The following CBLB variants were observed in gnomAD, a reference collection of about 807,000 sequenced individuals.
The protein encoded by CBLB is Cbl proto-oncogene B, also known as E3 ubiquitin-protein ligase CBL-B.
A neutral mutation model predicts 104.9 loss-of-function variants in CBLB; 31 were observed. That is an observed-to-expected ratio of 0.30 (90% CI 0.22 to 0.40). The LOEUF is 0.40. CBLB is among the 10% of genes least tolerant of loss of function. The pLI is 1.00. For synonymous variants in CBLB, 440 were observed against 422.6 expected, an observed-to-expected ratio of 1.04 and a Z score of -0.51; for missense variants, 1,062 against 1,214.6, an observed-to-expected ratio of 0.87 and a Z score of 1.87.
At chr3:105,855,685 G>A (rs2091515677) in intron 2 of CBLB, among the ~76,000 whole-genome samples, 2 of 152,162 alleles carry the variant, frequency 1.3e-5, no homozygotes, top group African/African-American at 4.8e-5. Flanking sequence ...GGAAGTATAT[G>A]CGGTAACGGA....
intron 3 of CBLB, among the ~76,000 whole-genome samples, chr3:105,844,395 A>T (rs2153102812): frequency 6.6e-6 from 1 of 152,348 alleles, no homozygotes; most frequent in South Asian, 2.1e-4. Context: ...TAATCACATG[A>T]TCAGATGTTC....
In CBLB at chr3:105,684,820, G is replaced by A. The variant is rs541549673; in HGVS notation, c.2201+500C>T. ...CCCGCCTCAGCCTCCCAAAGTGCTA[G>A]GATTACAGGCGTGAGCCACCACGCC... On this transcript the variant is annotated intron_variant, in intron 14 of 18. Coordinates refer to ENST00000394030, the MANE Select transcript of CBLB (RefSeq NM_170662.5). 4.6e-5 allele frequency among the ~76,000 whole-genome samples: 7 copies of A among 152,282 alleles called. No homozygotes were observed. In the East Asian group the frequency reaches 1.4e-3, roughly 29 times the overall value.
intron 4 of CBLB, among the ~76,000 whole-genome samples, chr3:105,766,472 T>C (rs909275532): frequency 6.6e-6 from 1 of 152,200 alleles, no homozygotes; most frequent in Admixed American, 6.5e-5. Context: ...CCAATTGATG[T>C]AGTAAACTTC....
intron 3 of CBLB, among the ~76,000 whole-genome samples, chr3:105,823,873 T>A (rs867164111): frequency 6.6e-6 from 1 of 152,166 alleles, no homozygotes; most frequent in African/African-American, 2.4e-5. Context: ...ATTCTTATAA[T>A]GTCTCCATCA....
chr3:105,762,636 A>T (rs1310493652), intron 4 of CBLB, among the ~76,000 whole-genome samples: 1 of 152,222 alleles, frequency 6.6e-6, no homozygotes, highest in Non-Finnish European at 1.5e-5. Flanking sequence ...ATTTCAGAAG[A>T]TGTATGGAAA....
intron 4 of CBLB, among the ~76,000 whole-genome samples, chr3:105,760,090 ATCT>A (rs1465348800): frequency 1.3e-5 from 2 of 152,232 alleles, no homozygotes; most frequent in East Asian, 1.9e-4. Context: ...ATTATTTCTA[ATCT>A]TCTCAATTAT....
At chr3:105,725,683 A>G (rs2073511380) in intron 9 of CBLB, among the ~76,000 whole-genome samples, 1 of 152,196 alleles carries the variant, frequency 6.6e-6, no homozygotes, top group Non-Finnish European at 1.5e-5. Flanking sequence ...ATTTACACAA[A>G]AGACACAACG....
At chr3:105,695,139 A>C (rs1201026970) in intron 12 of CBLB, among the ~76,000 whole-genome samples, 1 of 151,868 alleles carries the variant, frequency 6.6e-6, no homozygotes, top group African/African-American at 2.4e-5. Flanking sequence ...AATACATATA[A>C]AACTCATTTG....
intron 2 of CBLB, among the ~76,000 whole-genome samples, chr3:105,856,687 G>C (rs939162670): frequency 6.6e-6 from 1 of 152,006 alleles, no homozygotes; most frequent in African/African-American, 2.4e-5. Flanking sequence ...CAAAGGTATA[G>C]GCTTAGTTAA....
At chr3:105,728,800 A>G (rs2152845986) in intron 9 of CBLB, among the ~76,000 whole-genome samples, 1 of 152,286 alleles carries the variant, frequency 6.6e-6, no homozygotes, top group Admixed American at 6.5e-5. Flanking sequence ...CAGAAAGAGA[A>G]AAAAGCATCT....
At chr3:105,860,877 C>T (rs550326243) in intron 2 of CBLB, among the ~76,000 whole-genome samples, 1 of 152,276 alleles carries the variant, frequency 6.6e-6, no homozygotes, top group Non-Finnish European at 1.5e-5. Flanking sequence ...GTGTTCCTGT[C>T]AGCTGACATG....
intron 10 of CBLB, among the ~76,000 whole-genome samples, chr3:105,712,354 C>T (rs1390181783): frequency 6.6e-6 from 1 of 152,114 alleles, no homozygotes. Context: ...ACAGTGGCTT[C>T]TTATGCCCTT....
chr3:105,772,353 C>T (rs1261240248), intron 4 of CBLB, among the ~76,000 whole-genome samples: 1 of 152,142 alleles, frequency 6.6e-6, no homozygotes, highest in Non-Finnish European at 1.5e-5. Context: ...CCATCTCTCA[C>T]CTTATTAAAA....
At chr3:105,745,084 A>G (rs1446667784) in intron 6 of CBLB, among the ~76,000 whole-genome samples, 1 of 152,246 alleles carries the variant, frequency 6.6e-6, no homozygotes, top group Non-Finnish European at 1.5e-5. Context: ...TATGAAAATC[A>G]GAGCACTAAT....
At chr3:105,762,542 T>A (rs181250283) in intron 4 of CBLB, 42 of 152,440 alleles carry the variant, frequency 2.8e-4, no homozygotes, top group African/African-American at 1.0e-3. Context: ...GGTGCAAGCC[T>A]CAAGCCTTGG....
At chr3:105,798,513 C>T (rs550053700) in intron 3 of CBLB, among the ~76,000 whole-genome samples, 88 of 152,248 alleles carry the variant, frequency 5.8e-4, no homozygotes, top group African/African-American at 2.0e-3. Context: ...AAATATAAGG[C>T]ATTATCTTCC....
intron 4 of CBLB, among the ~76,000 whole-genome samples, chr3:105,754,517 G>GAC (rs2076879626): frequency 9.9e-6 from 1 of 101,080 alleles, no homozygotes; most frequent in African/African-American, 4.4e-5. Flanking sequence ...GAGAGAGAGA[G>GAC]AGAGACAGAG....
chr3:105,731,251 A>T (rs762432715), intron 9 of CBLB, among the ~76,000 whole-genome samples: 1 of 152,236 alleles, frequency 6.6e-6, no homozygotes, highest in Non-Finnish European at 1.5e-5. Flanking sequence ...AACCTACTGC[A>T]AATAGTTCAC....
At chr3:105,751,756 T>C in intron 4 of CBLB, 138 bp from the exon 5 acceptor site, 1 of 742,800 alleles carries the variant, frequency 1.3e-6, no homozygotes, top group Non-Finnish European at 2.4e-6. Context: ...AGAATATTGT[T>C]CATATTTCAG....
Sources: allele counts gnomAD v4.1 joint callset (sites outside exome capture counted in the v4.1 genomes callset), GRCh38; gene constraint gnomAD v4.1.1; transcripts MANE v1.5; gene names NCBI Gene and HGNC (gene_info 2026-07-23, HGNC 2026-07-21).